The following RAB6B variants were observed in gnomAD, a reference collection of about 807,000 sequenced individuals.
RAB6B encodes the protein RAB6B, member RAS oncogene family.
RAB6B carries 7 observed loss-of-function variants against 31.2 expected under a neutral mutation model. The ratio of observed to expected loss-of-function variants is 0.22; its 90% CI spans 0.13 to 0.42. The LOEUF is 0.42. RAB6B is among the 10% of genes least tolerant of loss of function. RAB6B has a pLI of 1.00. For missense variants in RAB6B, 149 were observed against 280.6 expected (o/e 0.53, Z 3.35); for synonymous variants, 105 against 104.9 (o/e 1.00, Z -0.01).
At chr3:133,834,202 G>C (rs2107986981) in intron 7 of RAB6B, among the ~76,000 whole-genome samples, 1 of 152,254 alleles carries the variant, frequency 6.6e-6, no homozygotes, top group Non-Finnish European at 1.5e-5. Context: ...ACCACGTTGA[G>C]ATCATATCCC....
Position 133,828,361 on chromosome 3 carries a change from G to A in RAB6B, c.*427C>T, listed in dbSNP as rs945229915. On this transcript the variant is annotated 3_prime_UTR_variant, in exon 8 of 8. Coordinates refer to ENST00000285208, the MANE Select transcript of RAB6B (RefSeq NM_016577.4). ...TTGGGCTGGGGATAGGAGGAAGGCA[G>A]AGGTGATGAATGGTTCAAAGAGAAC... The A allele has an allele frequency of 8.4e-6, 3 of 357,298 alleles. No individual in the cohort carries two copies. Among genetic ancestry groups the A allele is most frequent in the Non-Finnish European group, 1.5e-5 (3 of 196,610 alleles). 22.1% of individuals were successfully genotyped at this position (357,298 alleles called of 1,614,324 possible).
chr3:133,865,337 T>C (rs569773692), intron 1 of RAB6B, among the ~76,000 whole-genome samples: 52 of 152,202 alleles, frequency 3.4e-4, no homozygotes, highest in Non-Finnish European at 6.8e-4. Context: ...TGAGAACAAC[T>C]GGAACAGCTG....
chr3:133,833,921 G>A (rs1186778939), intron 7 of RAB6B, among the ~76,000 whole-genome samples: 1 of 152,202 alleles, frequency 6.6e-6, no homozygotes, highest in Non-Finnish European at 1.5e-5. Context: ...GTCCCACATG[G>A]AATAGGGCTG....
rs187009053 is a variant in RAB6B at position 133,841,235 on chromosome 3, C to T, written c.289+50G>A. ...AGGCCTGGCCAGGGTCACACCTGGG[C>T]CCTGGACCCCCTATGAGCCACCCTC... On this transcript the variant is annotated intron_variant, in intron 4 of 7. Coordinates refer to ENST00000285208, the MANE Select transcript of RAB6B (RefSeq NM_016577.4). 2.3e-5 allele frequency: 36 copies of T among 1,582,422 alleles called. 1 individual carries two copies. Among genetic ancestry groups the T allele is most frequent in the Middle Eastern group, 1.7e-4 (1 of 6,028 alleles).
chr3:133,890,947 G>A (rs535664649), intron 1 of RAB6B, among the ~76,000 whole-genome samples: 2 of 152,368 alleles, frequency 1.3e-5, no homozygotes, highest in East Asian at 3.9e-4. Flanking sequence ...GCTATGCCAT[G>A]GTGTGTGGCC....
chr3:133,885,079 G>A (rs544411797), intron 1 of RAB6B, among the ~76,000 whole-genome samples: 2 of 149,114 alleles, frequency 1.3e-5, no homozygotes, highest in East Asian at 2.1e-4. Flanking sequence ...CACACCAAAT[G>A]ACCAGAGGAT....
intron 5 of RAB6B, among the ~76,000 whole-genome samples, chr3:133,838,819 C>T (rs557401056): frequency 3.0e-4 from 45 of 152,302 alleles, no homozygotes; most frequent in African/African-American, 1.1e-3. Context: ...GGCTCTAATT[C>T]AGATGATTCC....
intron 2 of RAB6B, among the ~76,000 whole-genome samples, chr3:133,849,791 C>A (rs973910686): frequency 6.6e-6 from 1 of 152,174 alleles, no homozygotes; most frequent in African/African-American, 2.4e-5. Flanking sequence ...CATAATAGTT[C>A]AGCAGAGCCC....
Position 133,895,676 on chromosome 3 carries a change from A to G in RAB6B, c.-210T>C, listed in dbSNP as rs1016648426. The G allele has an allele frequency of 1.7e-6, 1 of 581,454 alleles. No individual in the cohort carries two copies. The highest frequency in any genetic ancestry group is 3.0e-6 in the Non-Finnish European group (1 of 332,114). 36.0% of individuals were successfully genotyped at this position (581,454 alleles called of 1,614,324 possible). The stretch of plus-strand genomic sequence containing the variant: ...GAGGAGGAGGAGGAGAGAGAGGCGG[A>G]GGCGGAGGAAGGCTGGGGCTGGGCT... On this transcript the variant is annotated 5_prime_UTR_variant, in exon 1 of 8. Transcript: ENST00000285208.
chr3:133,865,389 T>C (rs1316926790), intron 1 of RAB6B, among the ~76,000 whole-genome samples: 1 of 152,230 alleles, frequency 6.6e-6, no homozygotes, highest in African/African-American at 2.4e-5. Context: ...CAAATGCTGC[T>C]AATTTCCCAA....
chr3:133,882,884 C>T (rs191579692), intron 1 of RAB6B, among the ~76,000 whole-genome samples: 21 of 152,322 alleles, frequency 1.4e-4, no homozygotes, highest in Admixed American at 9.8e-4. Flanking sequence ...CTCCAGTTCA[C>T]TTCTAATCTG....
rs1576414196 is a variant in RAB6B, at chr3:133,895,573, G to A, written c.-107C>T. 1.7e-6 allele frequency: 2 copies of A among 1,149,070 alleles called. No homozygotes were observed. The highest frequency in any genetic ancestry group is 1.3e-5 in the South Asian group (1 of 74,454). 71.2% of individuals were successfully genotyped at this position (1,149,070 alleles called of 1,614,324 possible). ...GCGGCCGGCGGTGCGGGAGCCGGAG[G>A]GGGAAGGGCTGGCTGCGCGCGTCCC... On this transcript the variant is annotated 5_prime_UTR_variant, in exon 1 of 8. Transcript: ENST00000285208.
chr3:133,862,622 T>C (rs759367755), intron 2 of RAB6B, among the ~76,000 whole-genome samples: 3 of 152,018 alleles, frequency 2.0e-5, no homozygotes, highest in Non-Finnish European at 4.4e-5. Flanking sequence ...GGCATAACAG[T>C]GTCACTCCAA....
intron 6 of RAB6B, among the ~76,000 whole-genome samples, chr3:133,837,778 C>T (rs1576393744): frequency 2.0e-5 from 3 of 152,214 alleles, no homozygotes; most frequent in South Asian, 2.1e-4. Flanking sequence ...AAGGCATGAA[C>T]CCCAAATGCT....
chr3:133,830,427 C>G (rs962914081), intron 7 of RAB6B, among the ~76,000 whole-genome samples: 16 of 152,258 alleles, frequency 1.1e-4, no homozygotes, highest in African/African-American at 3.9e-4. Flanking sequence ...ATCCCCTTCC[C>G]TCAATCACAC....
chr3:133,891,303 C>G (rs1372783883), intron 1 of RAB6B, among the ~76,000 whole-genome samples: 2 of 152,228 alleles, frequency 1.3e-5, no homozygotes, highest in Middle Eastern at 3.2e-3. Flanking sequence ...TCCTCTGAAC[C>G]TCCACCTCAT....
At chr3:133,836,731 G>A (rs1935742168) in intron 6 of RAB6B, among the ~76,000 whole-genome samples, 1 of 152,088 alleles carries the variant, frequency 6.6e-6, no homozygotes, top group Non-Finnish European at 1.5e-5. Flanking sequence ...CCCCCAGGGA[G>A]CAGGAAGGAC....
chr3:133,880,093 T>C (rs527750260), intron 1 of RAB6B, among the ~76,000 whole-genome samples: 90 of 152,306 alleles, frequency 5.9e-4, no homozygotes, highest in Admixed American at 3.2e-3. Flanking sequence ...TGCATAGTTG[T>C]AGAGAAGGAG....
In RAB6B at chr3:133,825,696, C is replaced by T. The variant is rs1935549908; in HGVS notation, c.*3092G>A. 6.6e-6 allele frequency: 1 copy of T among 152,214 alleles called. No homozygotes were observed. The highest frequency in any genetic ancestry group is 2.4e-5 in the African/African-American group (1 of 41,448). 9.4% of individuals were successfully genotyped at this position (152,214 alleles called of 1,614,324 possible). A position where few individuals can be genotyped will look rare whatever the true frequency, so the allele number is the denominator to read the frequency against. ...CTTTTTCCATCTTACACTCAACTTT[C>T]CTGATGCCTGCAGAACAGGAGCTTT... On this transcript the variant is annotated 3_prime_UTR_variant, in exon 8 of 8. Transcript: ENST00000285208.
Sources: gnomAD v4.1 joint callset for allele counts (sites outside exome capture counted in the v4.1 genomes callset) on GRCh38, gnomAD v4.1.1 for gene constraint, MANE v1.5 for transcripts, NCBI Gene and HGNC (gene_info 2026-07-23, HGNC 2026-07-21) for gene names.